The following PLCL2 variants were observed in gnomAD, a reference collection of about 807,000 sequenced individuals.
The protein encoded by PLCL2 is phospholipase C like 2, also known as inactive phospholipase C-like protein 2.
Under a neutral mutation model 79.6 loss-of-function variants are expected in PLCL2, and 4 were observed. The observed-to-expected ratio is 0.05, with a 90% confidence interval of 0.02 to 0.11. PLCL2 has a LOEUF of 0.11. PLCL2 is among the 10% of genes least tolerant of loss of function. The pLI is 1.00. For missense variants in PLCL2, 895 were observed against 1,291.0 expected (o/e 0.69, Z 4.70); for synonymous variants, 484 against 457.7 (o/e 1.06, Z -0.73).
chr3:16,910,023 G>T (rs1696840722), intron 1 of PLCL2, among the ~76,000 whole-genome samples: 1 of 152,056 alleles, frequency 6.6e-6, no homozygotes, highest in Admixed American at 6.5e-5. Flanking sequence ...CCACACAAAA[G>T]ATCTCAATCC....
intron 1 of PLCL2, among the ~76,000 whole-genome samples, chr3:16,916,430 A>G (rs868062592): frequency 6.6e-6 from 1 of 152,214 alleles, no homozygotes; most frequent in Non-Finnish European, 1.5e-5. Flanking sequence ...GGCCCATAGC[A>G]TAGAGGAATG....
chr3:16,944,294 T>A (rs2063581160), intron 1 of PLCL2, among the ~76,000 whole-genome samples: 1 of 152,160 alleles, frequency 6.6e-6, no homozygotes, highest in Admixed American at 6.5e-5. Flanking sequence ...GATTTCCACT[T>A]CTAACGTGCC....
intron 5 of PLCL2, among the ~76,000 whole-genome samples, chr3:17,078,246 C>T (rs1282285476): frequency 6.6e-6 from 1 of 152,168 alleles, no homozygotes; most frequent in African/African-American, 2.4e-5. Flanking sequence ...TATAACAAAC[C>T]ACTGCAAAAC....
chr3:17,087,360 A>G (rs1235458723), intron 5 of PLCL2, among the ~76,000 whole-genome samples: 4 of 152,262 alleles, frequency 2.6e-5, no homozygotes, highest in Non-Finnish European at 1.5e-5. Context: ...ATGAGACGAC[A>G]TGGAGGAAAT....
rs938020176 is a variant in PLCL2 at position 17,009,580 on chromosome 3, A to AT, written c.328-87dup. 7.5e-6 allele frequency: 5 copies of AT among 662,358 alleles called. No homozygotes were observed. Among genetic ancestry groups the AT allele is most frequent in the African/African-American group, 5.4e-5 (3 of 55,386 alleles). 41.0% of individuals were successfully genotyped at this position (662,358 alleles called of 1,614,324 possible). On this transcript the variant is annotated intron_variant, in intron 1 of 5. Transcript: ENST00000615277. The surrounding 1 kb of genome is among the most constrained non-coding windows in gnomAD (Gnocchi z 4.0). ...TAGAATAGGAAATCTTAATAGTATG[A>AT]TTTTTTTCTAGGAAATTAAATTTCT...
chr3:16,985,731 ACTTATT>A (rs1316103175), intron 1 of PLCL2, among the ~76,000 whole-genome samples: 1 of 152,126 alleles, frequency 6.6e-6, no homozygotes, highest in Non-Finnish European at 1.5e-5. Flanking sequence ...CTTTATATTA[ACTTATT>A]CTTAGTAGAA....
chr3:16,901,514 T>G (rs1374799693), intron 1 of PLCL2, among the ~76,000 whole-genome samples: 1 of 152,242 alleles, frequency 6.6e-6, no homozygotes, highest in East Asian at 1.9e-4. Flanking sequence ...CTCACCGTCC[T>G]TAGCATATAG....
At chr3:17,074,757 T>C (rs969171482) in intron 5 of PLCL2, among the ~76,000 whole-genome samples, 1 of 152,246 alleles carries the variant, frequency 6.6e-6, no homozygotes, top group Non-Finnish European at 1.5e-5. Flanking sequence ...TGGAGATGGC[T>C]TATTTCCTTA....
chr3:17,009,536 A>G lies in PLCL2; in HGVS notation c.328-138A>G, dbSNP rs2064298115. 1 of 544,414 alleles carries G rather than the reference A, an allele frequency of 1.8e-6. No homozygotes were observed. The highest frequency in any genetic ancestry group is 1.9e-5 in the African/African-American group (1 of 53,606). The allele number at this position is 544,414 out of a possible 1,614,324, so 33.7% of individuals were successfully genotyped here. On this transcript the variant is annotated intron_variant, in intron 1 of 5. Transcript: ENST00000615277. The surrounding 1 kb of genome is among the most constrained non-coding windows in gnomAD (Gnocchi z 4.0). ...TTCTGAGCTTTAGAGATGAATGAGT[A>G]TCATTCATCACAGGAATCTAGAATA...
chr3:17,053,364 G>A (rs994171221), intron 4 of PLCL2, among the ~76,000 whole-genome samples: 3 of 152,200 alleles, frequency 2.0e-5, no homozygotes, highest in Admixed American at 6.5e-5. Context: ...AACTCAAAAG[G>A]GGGGATGGTG....
intron 1 of PLCL2, among the ~76,000 whole-genome samples, chr3:16,951,925 A>G (rs1326110492): frequency 1.3e-5 from 2 of 151,998 alleles, no homozygotes; most frequent in East Asian, 3.9e-4. Context: ...TATACAAAAA[A>G]TTAAAGCTTA....
intron 5 of PLCL2, among the ~76,000 whole-genome samples, chr3:17,071,228 T>A (rs951045160): frequency 1.3e-5 from 2 of 152,198 alleles, no homozygotes; most frequent in African/African-American, 4.8e-5. Flanking sequence ...GGACCATTGA[T>A]CACCCTGAGA....
rs954073747 is a variant in PLCL2, at chr3:16,887,786, T to G, written c.327+2420T>G. 6.6e-6 allele frequency among the ~76,000 whole-genome samples: 1 copy of G among 152,048 alleles called. No individual in the cohort carries two copies. The highest frequency in any genetic ancestry group is 1.5e-5 in the Non-Finnish European group (1 of 68,010). On this transcript the variant is annotated intron_variant, in intron 1 of 5. Coordinates refer to ENST00000615277, the MANE Select transcript of PLCL2 (RefSeq NM_001144382.2). This position sits in a 1 kb window ranked among gnomAD's most constrained non-coding sequence, Gnocchi z 4.1. The stretch of plus-strand genomic sequence containing the variant: ...TCATGTGAATGGCAGAAATTATGTT[T>G]CACTTTTGTTTAAAAAAAAAAAGAA...
At chr3:16,995,143 G>C (rs904417195) in intron 1 of PLCL2, among the ~76,000 whole-genome samples, 2 of 152,232 alleles carry the variant, frequency 1.3e-5, no homozygotes, top group African/African-American at 4.8e-5. Flanking sequence ...CTTAGTTCTT[G>C]GGAACTTGAT....
chr3:16,909,843 G>A (rs900283153), intron 1 of PLCL2, among the ~76,000 whole-genome samples: 1 of 152,078 alleles, frequency 6.6e-6, no homozygotes, highest in East Asian at 1.9e-4. Context: ...TTCTTCCTAC[G>A]TTAAAGGCTC....
chr3:17,088,042 C>T lies in PLCL2; in HGVS notation c.3205-1691C>T, dbSNP rs147902043. Among the ~76,000 whole-genome samples, 14 of 152,240 alleles carry T rather than the reference C, an allele frequency of 9.2e-5. 1 individual carries two copies. In the East Asian group the frequency reaches 2.7e-3, roughly 29 times the overall value. On this transcript the variant is annotated intron_variant, in intron 5 of 5. Coordinates refer to ENST00000615277, the MANE Select transcript of PLCL2 (RefSeq NM_001144382.2). ...GTAAGAATGAATAAAAATGAAGCTC[C>T]TTTAGTTAATCTACGCAAGGGAACA...
At chr3:17,028,444 T>TA (rs1480483815) in intron 3 of PLCL2, among the ~76,000 whole-genome samples, 2 of 152,008 alleles carry the variant, frequency 1.3e-5, no homozygotes, top group Non-Finnish European at 2.9e-5. Context: ...CGTCACAACT[T>TA]ATAATTATAC....
intron 1 of PLCL2, among the ~76,000 whole-genome samples, chr3:16,891,340 A>C: frequency 6.6e-6 from 1 of 152,226 alleles, no homozygotes; most frequent in East Asian, 1.9e-4. Context: ...ATGTGTGAGC[A>C]GTGTGTGGCA....
At chr3:17,000,460 A>G (rs1169983496) in intron 1 of PLCL2, among the ~76,000 whole-genome samples, 1 of 152,086 alleles carries the variant, frequency 6.6e-6, no homozygotes, top group Admixed American at 6.6e-5. Context: ...GAATATTCCA[A>G]ATCTCCTCTT....
Sources: gnomAD v4.1 joint callset for allele counts (sites outside exome capture counted in the v4.1 genomes callset) on GRCh38, gnomAD v4.1.1 for gene constraint, Gnocchi (gnomAD v3.1) non-coding constraint, MANE v1.5 for transcripts, NCBI Gene and HGNC (gene_info 2026-07-23, HGNC 2026-07-21) for gene names.